The following BICC1 variants were observed in gnomAD, a reference collection of about 807,000 sequenced individuals.
BICC1 encodes the protein protein bicaudal C homolog 1.
A neutral mutation model predicts 111.0 loss-of-function variants in BICC1; 43 were observed. The observed-to-expected ratio is 0.39, with a 90% CI of 0.30 to 0.50. BICC1 has a LOEUF of 0.50. Ranked by LOEUF, BICC1 falls within the 20% of genes least tolerant of loss-of-function variation. The probability of loss-of-function intolerance (pLI) is 0.88; values close to 1 mark genes in which losing one functional copy is unlikely to be tolerated. For missense variants in BICC1, 1,091 were observed against 1,203.2 expected, an observed-to-expected ratio of 0.91 and a Z score of 1.38; for synonymous variants, 467 against 434.4, an observed-to-expected ratio of 1.07 and a Z score of -0.93.
chr10:58,618,117 C>G (rs1041874509), intron 1 of BICC1, among the ~76,000 whole-genome samples: 1 of 151,938 alleles, frequency 6.6e-6, no homozygotes, highest in South Asian at 2.1e-4. Context: ...TACCTAGAGC[C>G]TATGTGTAAG....
At chr10:58,684,757 C>A (rs1382680826) in intron 2 of BICC1, among the ~76,000 whole-genome samples, 1 of 151,914 alleles carries the variant, frequency 6.6e-6, no homozygotes, top group Non-Finnish European at 1.5e-5. Context: ...CTATTTGATT[C>A]TTCTCTCTTC....
At chr10:58,549,100 C>A (rs1843219568) in intron 1 of BICC1, among the ~76,000 whole-genome samples, 1 of 152,046 alleles carries the variant, frequency 6.6e-6, no homozygotes, top group Admixed American at 6.6e-5. Flanking sequence ...CCCATCTTGG[C>A]CTCCCAAAGT....
At chr10:58,737,176 C>T (rs1260346418) in intron 3 of BICC1, among the ~76,000 whole-genome samples, 1 of 151,928 alleles carries the variant, frequency 6.6e-6, no homozygotes, top group Non-Finnish European at 1.5e-5. Flanking sequence ...TACACATGTG[C>T]CATGTTGGTG....
At chr10:58,802,174 T>C (rs1285834463) in intron 14 of BICC1, among the ~76,000 whole-genome samples, 1 of 152,240 alleles carries the variant, frequency 6.6e-6, no homozygotes, top group Non-Finnish European at 1.5e-5. Context: ...CTCTTCCCTC[T>C]GAGTTGCTGT....
intron 1 of BICC1, among the ~76,000 whole-genome samples, chr10:58,570,800 C>T (rs958752283): frequency 6.6e-6 from 1 of 152,106 alleles, no homozygotes; most frequent in Non-Finnish European, 1.5e-5. Flanking sequence ...ACCCGTATAA[C>T]CTGGAATCAC....
intron 3 of BICC1, among the ~76,000 whole-genome samples, chr10:58,750,373 A>G (rs1204613246): frequency 1.3e-5 from 2 of 152,136 alleles, no homozygotes; most frequent in Non-Finnish European, 2.9e-5. Flanking sequence ...CTAAAATGCC[A>G]TTGATTGTTA....
intron 1 of BICC1, among the ~76,000 whole-genome samples, chr10:58,560,083 A>G (rs1297155451): frequency 6.6e-6 from 1 of 151,696 alleles, no homozygotes; most frequent in Non-Finnish European, 1.5e-5. Flanking sequence ...GGCCTCATAG[A>G]ATGAGTTAGG....
chr10:58,804,547 A>G (rs186538128), intron 15 of BICC1, among the ~76,000 whole-genome samples: 53 of 152,270 alleles, frequency 3.5e-4, no homozygotes, highest in African/African-American at 1.2e-3. Context: ...AATAAAAAAG[A>G]CATTTATTAC....
chr10:58,647,711 G>C (rs1462759195), intron 2 of BICC1, among the ~76,000 whole-genome samples: 3 of 152,018 alleles, frequency 2.0e-5, no homozygotes, highest in Admixed American at 6.6e-5. Flanking sequence ...CTTTTTGATG[G>C]GGTTTAAAGA....
intron 1 of BICC1, among the ~76,000 whole-genome samples, chr10:58,536,299 A>G (rs1264159076): frequency 6.6e-6 from 1 of 151,768 alleles, no homozygotes; most frequent in Non-Finnish European, 1.5e-5. Flanking sequence ...CACATGGAAC[A>G]TTCTCCAAAA....
At position 58,717,070 on chromosome 10, in the gene BICC1, G is replaced by A. The variant is rs556764585; in HGVS notation, c.307+14927G>A. Among the ~76,000 whole-genome samples, 5 of 152,272 alleles carry A rather than the reference G, an allele frequency of 3.3e-5. No individual in the cohort carries two copies. In the South Asian group the frequency reaches 6.2e-4, roughly 19 times the overall value. ...AGCATTAGAATGTGTTAGGTCATTT[G>A]AATTAATTTTTACTACACTTTGGCT... On this transcript the variant is annotated intron_variant, in intron 3 of 20. Transcript: ENST00000373886.
Position 58,689,395 on chromosome 10 carries a change from A to C in BICC1, c.238-12679A>C, listed in dbSNP as rs552722487. Among the ~76,000 whole-genome samples the C allele has an allele frequency of 3.9e-5, 6 of 152,304 alleles. No homozygotes were observed. The South Asian group carries it at 1.2e-3, about 32-fold the overall frequency. On this transcript the variant is annotated intron_variant, in intron 2 of 20. Transcript: ENST00000373886. ...ACCAACCTATGGGAATGGGAGTGGCATCCCTTTTAGATAATCAGGTTGATT... is the reference window on the plus strand; with the variant it reads ...ACCAACCTATGGGAATGGGAGTGGCCTCCCTTTTAGATAATCAGGTTGATT...
chr10:58,711,332 G>A (rs1175656491), intron 3 of BICC1, among the ~76,000 whole-genome samples: 1 of 152,068 alleles, frequency 6.6e-6, no homozygotes, highest in Middle Eastern at 3.2e-3. Context: ...AGAGACCTGG[G>A]CCATTCCAGT....
intron 2 of BICC1, among the ~76,000 whole-genome samples, chr10:58,623,749 G>A (rs1376638715): frequency 6.6e-6 from 1 of 152,158 alleles, no homozygotes; most frequent in Non-Finnish European, 1.5e-5. Flanking sequence ...GTGTTGGTGA[G>A]GGAGATAGAA....
intron 8 of BICC1, among the ~76,000 whole-genome samples, chr10:58,792,531 C>A (rs556752344): frequency 6.6e-6 from 1 of 152,068 alleles, no homozygotes; most frequent in South Asian, 2.1e-4. Context: ...CTCACATGAC[C>A]GCCTGAGCTC....
chr10:58,617,817 AC>A (rs1382034777), intron 1 of BICC1, among the ~76,000 whole-genome samples: 1 of 152,178 alleles, frequency 6.6e-6, no homozygotes, highest in African/African-American at 2.4e-5. Context: ...AGGAAGGATG[AC>A]CTCCTCTGAC....
chr10:58,764,211 G>A (rs1276604617), intron 3 of BICC1, among the ~76,000 whole-genome samples: 1 of 152,154 alleles, frequency 6.6e-6, no homozygotes, highest in Non-Finnish European at 1.5e-5. Flanking sequence ...GCTTTTGAAA[G>A]CTTAATTAGA....
chr10:58,743,089 G>A lies in BICC1; in HGVS notation c.307+40946G>A, dbSNP rs114994694. Among the ~76,000 whole-genome samples, 169 of 152,290 alleles carry A rather than the reference G, an allele frequency of 1.1e-3. 2 individuals are homozygous for A. Among genetic ancestry groups the A allele is most frequent in the African/African-American group, 3.8e-3 (159 of 41,574 alleles). ...TTTTATAGATTATTTACTCCTTGTAGGATGATGGCTCAAAAGGCATTCGGG... is the reference window on the plus strand; with the variant it reads ...TTTTATAGATTATTTACTCCTTGTAAGATGATGGCTCAAAAGGCATTCGGG... On this transcript the variant is annotated intron_variant, in intron 3 of 20. Transcript: ENST00000373886.
chr10:58,594,076 C>G (rs1335092272), intron 1 of BICC1, among the ~76,000 whole-genome samples: 1 of 151,560 alleles, frequency 6.6e-6, no homozygotes, highest in Non-Finnish European at 1.5e-5. Context: ...CTTCATGAAG[C>G]ATACACAAGT....
Sources: gnomAD v4.1 joint callset for allele counts (sites outside exome capture counted in the v4.1 genomes callset) on GRCh38, gnomAD v4.1.1 for gene constraint, MANE v1.5 for transcripts, NCBI Gene and HGNC (gene_info 2026-07-23, HGNC 2026-07-21) for gene names.